Variants in KIAA0586 observed in about 807,000 individuals in gnomAD.
KIAA0586 encodes the protein protein TALPID3.
Under a neutral mutation model 169.8 loss-of-function variants are expected in KIAA0586, and 144 were observed. The observed-to-expected ratio is 0.85, with a 90% CI of 0.74 to 0.97. The LOEUF (loss-of-function observed/expected upper bound fraction) is 0.97, where lower values mean the gene tolerates loss of function less well. Among genes scored for constraint, KIAA0586 ranks in the 50% least tolerant of loss-of-function variants. KIAA0586 has a pLI of 0.00. For synonymous variants in KIAA0586, 625 were observed against 612.4 expected, an observed-to-expected ratio of 1.02 and a Z score of -0.30; for missense variants, 1,854 against 1,823.0, an observed-to-expected ratio of 1.02 and a Z score of -0.31.
chr14:58,547,847 C>T lies in KIAA0586; in HGVS notation c.4562C>T (p.Ser1521Leu), dbSNP rs538277566. The T allele has an allele frequency of 2.4e-5, 39 of 1,613,754 alleles. No individual in the cohort carries two copies. In the South Asian group the frequency reaches 4.1e-4, roughly 17 times the overall value. The change falls in exon 31 of 31, where the codon TCA becomes TTA. Residue 1521 changes from serine to leucine, a missense_variant. Ser to Leu is a moderately radical substitution (Grantham distance 145). Coordinates refer to ENST00000652326, the MANE Select transcript of KIAA0586 (RefSeq NM_001329943.3). Reference sequence around the variant, plus strand: ...GCCAAGATGTCAGTGATGCTGCCGTCAGTGAACCTCGAGGACTGCTCTCAG... The same window carrying T: ...GCCAAGATGTCAGTGATGCTGCCGTTAGTGAACCTCGAGGACTGCTCTCAG... ...PPAKMSVMLP[S>L]VNLEDCSQSL...
At chr14:58,544,998 A>G (rs2046891468) in intron 30 of KIAA0586, among the ~76,000 whole-genome samples, 1 of 152,212 alleles carries the variant, frequency 6.6e-6, no homozygotes, top group Non-Finnish European at 1.5e-5. Context: ...ACTTCATTTA[A>G]GTATTCCTAT....
intron 29 of KIAA0586, among the ~76,000 whole-genome samples, chr14:58,531,114 G>A (rs1227572140): frequency 6.6e-6 from 1 of 151,266 alleles, no homozygotes; most frequent in Non-Finnish European, 1.5e-5. Flanking sequence ...TCAGGAGATG[G>A]AGAGCGTCCT....
chr14:58,539,741 GA>G (rs768336581), intron 29 of KIAA0586: 2 of 197,674 alleles, frequency 1.0e-5, no homozygotes, highest in Non-Finnish European at 2.1e-5. Flanking sequence ...GAGAATCTGT[GA>G]AAACTTTTCA....
rs569337173 is a variant in KIAA0586 at position 58,463,695 on chromosome 14, G to A, written c.2060-2140G>A. 1.6e-4 allele frequency among the ~76,000 whole-genome samples: 24 copies of A among 152,248 alleles called. No individual in the cohort carries two copies. In the East Asian group the frequency reaches 3.7e-3, roughly 23 times the overall value. Reference sequence around the variant, plus strand: ...TTAAAAAAATTAGCAGGGCATGCCTGTAGTCCCAGCTACTTGGGAGGCTGA... The same window carrying A: ...TTAAAAAAATTAGCAGGGCATGCCTATAGTCCCAGCTACTTGGGAGGCTGA... On this transcript the variant is annotated intron_variant, in intron 14 of 30. Coordinates refer to ENST00000652326, the MANE Select transcript of KIAA0586 (RefSeq NM_001329943.3).
downstream of KIAA0586, among the ~76,000 whole-genome samples, chr14:58,552,658 C>G (rs1026460603): frequency 6.6e-6 from 1 of 152,162 alleles, no homozygotes; most frequent in Admixed American, 6.5e-5. Context: ...AGTTCACTAA[C>G]GAGACTTCTG....
At chr14:58,547,685 C>A in intron 30 of KIAA0586, 96 bp from the exon 31 acceptor site, 1 of 630,978 alleles carries the variant, frequency 1.6e-6, no homozygotes, top group Non-Finnish European at 2.6e-6. Context: ...GGAATCCGCG[C>A]CCCCCCACCC....
chr14:58,559,545 G>A, the KIAA0586 span, among the ~76,000 whole-genome samples: 13 of 152,164 alleles, frequency 8.5e-5, no homozygotes, highest in Admixed American at 2.0e-4. Flanking sequence ...ACTGGCAGGA[G>A]GGTTAGTCTG....
intron 4 of KIAA0586, chr14:58,439,718 C>A: frequency 4.6e-6 from 2 of 433,786 alleles, no homozygotes; most frequent in Non-Finnish European, 3.1e-6. Context: ...AAGATGACTT[C>A]AACATTTTGA....
the KIAA0586 span, among the ~76,000 whole-genome samples, chr14:58,561,920 G>A: frequency 2.6e-4 from 40 of 152,116 alleles, no homozygotes; most frequent in African/African-American, 8.9e-4. Flanking sequence ...CCCATAAGCC[G>A]TCAGTACCAT....
intron 29 of KIAA0586, among the ~76,000 whole-genome samples, chr14:58,529,838 T>C (rs1827982210): frequency 6.6e-6 from 1 of 152,150 alleles, no homozygotes; most frequent in Non-Finnish European, 1.5e-5. Context: ...TTCAACACAC[T>C]ACTGGAAGTT....
intron 14 of KIAA0586, among the ~76,000 whole-genome samples, chr14:58,462,271 G>A (rs1444673190): frequency 1.5e-5 from 2 of 134,106 alleles, no homozygotes; most frequent in African/African-American, 5.7e-5. Context: ...TTTTTGAGAC[G>A]GAGTCTTGCT....
chr14:58,511,532 G>C (rs1261386926), intron 28 of KIAA0586, among the ~76,000 whole-genome samples: 1 of 152,210 alleles, frequency 6.6e-6, no homozygotes, highest in East Asian at 1.9e-4. Flanking sequence ...CTGTGAGTAA[G>C]TAAGGAAACC....
In KIAA0586 at chr14:58,532,521, C is replaced by A. The variant is rs188784232; in HGVS notation, c.4430-7550C>A. ...TCCACAGATGAAAATGAAATGAAAT[C>A]AATTCCATCATTTTCAGAAAAGATA... On this transcript the variant is annotated intron_variant, in intron 29 of 30. Transcript: ENST00000652326. 1.4e-3 allele frequency among the ~76,000 whole-genome samples: 211 copies of A among 152,220 alleles called. 1 individual carries two copies. Among genetic ancestry groups the A allele is most frequent in the African/African-American group, 3.9e-3 (164 of 41,536 alleles).
At chr14:58,448,626 T>A in intron 7 of KIAA0586, 133 bp downstream of exon 7, 1 of 456,076 alleles carries the variant, frequency 2.2e-6, no homozygotes, top group Non-Finnish European at 3.2e-6. Context: ...AGTTTTTGTT[T>A]TATAAAACAA....
intron 29 of KIAA0586, among the ~76,000 whole-genome samples, chr14:58,533,372 C>A (rs1180627600): frequency 6.6e-6 from 1 of 152,178 alleles, no homozygotes; most frequent in Non-Finnish European, 1.5e-5. Context: ...GACCTGTACA[C>A]CAAACTTCAA....
At position 58,548,070 on chromosome 14, in the gene KIAA0586, A is replaced by G. The variant is rs1378876914; in HGVS notation, c.*138A>G. On this transcript the variant is annotated 3_prime_UTR_variant, in exon 31 of 31. Transcript: ENST00000652326. The stretch of plus-strand genomic sequence containing the variant: ...ATTCCAATATTTTAAAATAAAACAA[A>G]AAGCATAATTTGGGTATTTAAAGTT... The G allele has an allele frequency of 9.6e-7, 1 of 1,042,156 alleles. No homozygotes were observed. The highest frequency in any genetic ancestry group is 1.4e-6 in the Non-Finnish European group (1 of 739,560). 64.6% of individuals were successfully genotyped at this position (1,042,156 alleles called of 1,614,324 possible).
At chr14:58,556,825 A>C in the KIAA0586 span, among the ~76,000 whole-genome samples, 1 of 152,088 alleles carries the variant, frequency 6.6e-6, no homozygotes, top group Non-Finnish European at 1.5e-5. Context: ...GGCTCACTGC[A>C]ACCTCCACCT....
the KIAA0586 span, among the ~76,000 whole-genome samples, chr14:58,557,497 G>A: frequency 1.6e-3 from 241 of 152,344 alleles, 4 homozygotes; most frequent in East Asian, 0.042. Context: ...TAGTCAGCCT[G>A]CTGCTGGAGC....
chr14:58,554,425 C>T (rs953438767), downstream of KIAA0586, among the ~76,000 whole-genome samples: 2 of 152,072 alleles, frequency 1.3e-5, no homozygotes, highest in Non-Finnish European at 2.9e-5. Context: ...TTTGGAAAGG[C>T]GGCTTGTACC....
Sources: allele counts gnomAD v4.1 joint callset (sites outside exome capture counted in the v4.1 genomes callset), GRCh38; gene constraint gnomAD v4.1.1; transcripts MANE v1.5; gene names NCBI Gene and HGNC (gene_info 2026-07-23, HGNC 2026-07-21).